SHOC2: variants seen among roughly 807,000 people sequenced by gnomAD.
SHOC2 encodes leucine-rich repeat protein SHOC-2.
SHOC2 carries 4 observed loss-of-function variants against 50.2 expected under a neutral mutation model. The ratio of observed to expected loss-of-function variants is 0.08; its 90% CI spans 0.04 to 0.18. SHOC2 has a LOEUF of 0.18. Ranked by LOEUF, SHOC2 falls within the 10% of genes least tolerant of loss-of-function variation. The pLI, the probability that SHOC2 is intolerant of heterozygous loss-of-function variation, is 1.00. For synonymous variants in SHOC2, 218 were observed against 244.5 expected, an observed-to-expected ratio of 0.89 and a Z score of 1.01; for missense variants, 388 against 669.6, an observed-to-expected ratio of 0.58 and a Z score of 4.64.
chr10:110,958,369 AC>A (rs1041796560), intron 1 of SHOC2, among the ~76,000 whole-genome samples: 1 of 152,030 alleles, frequency 6.6e-6, no homozygotes, highest in African/African-American at 2.4e-5. Flanking sequence ...GTGCACCACC[AC>A]GCCCAGCTAA....
At chr10:110,984,912 G>A (rs527746580) in intron 2 of SHOC2, among the ~76,000 whole-genome samples, 26 of 152,172 alleles carry the variant, frequency 1.7e-4, no homozygotes, top group African/African-American at 6.0e-4. Flanking sequence ...CAATCAACTT[G>A]AACACCTTCC....
chr10:110,996,248 G>A (rs1848265231), intron 3 of SHOC2, among the ~76,000 whole-genome samples: 1 of 152,164 alleles, frequency 6.6e-6, no homozygotes. Flanking sequence ...AATGTTTTTG[G>A]CCAGGTGCAG....
chr10:111,003,718 A>G (rs1405490935), intron 4 of SHOC2, among the ~76,000 whole-genome samples: 1 of 152,146 alleles, frequency 6.6e-6, no homozygotes, highest in African/African-American at 2.4e-5. Context: ...GCATATTATG[A>G]TTCAGTGGGA....
At chr10:110,937,464 T>G (rs529746017) in intron 1 of SHOC2, among the ~76,000 whole-genome samples, 12 of 152,364 alleles carry the variant, frequency 7.9e-5, no homozygotes, top group Admixed American at 2.6e-4. Flanking sequence ...CTCTTTGCCT[T>G]CACTGTATTT....
intron 3 of SHOC2, among the ~76,000 whole-genome samples, chr10:110,998,464 T>G (rs960526447): frequency 2.6e-5 from 4 of 152,210 alleles, no homozygotes; most frequent in Admixed American, 2.0e-4. Context: ...TGAAGCATCC[T>G]TAGTTAATTT....
intron 8 of SHOC2, 61 bp from the exon 9 acceptor site, chr10:111,011,549 C>T: frequency 8.9e-7 from 1 of 1,118,542 alleles, no homozygotes; most frequent in Admixed American, 1.7e-5. Flanking sequence ...GCATCATGCC[C>T]AGTTGAACTT....
At chr10:110,958,238 C>T (rs1481799051) in intron 1 of SHOC2, among the ~76,000 whole-genome samples, 6 of 145,698 alleles carry the variant, frequency 4.1e-5, no homozygotes, top group East Asian at 2.0e-4. Context: ...TTTTTTAAGA[C>T]GGAGTCTTGC....
chr10:110,919,796 G>A, intron 1 of SHOC2, 139 bp downstream of exon 1: 1 of 392,432 alleles, frequency 2.5e-6, no homozygotes, highest in South Asian at 1.3e-4. Context: ...GCAGCGCCGG[G>A]GCGAGGCCCG....
intron 3 of SHOC2, among the ~76,000 whole-genome samples, chr10:110,987,456 C>CT (rs1848100702): frequency 6.6e-6 from 1 of 152,134 alleles, no homozygotes; most frequent in Admixed American, 6.5e-5. Flanking sequence ...GCCCATGACA[C>CT]TATCGTATTA....
chr10:110,988,800 CAGTT>C, intron 3 of SHOC2: 3 of 395,000 alleles, frequency 7.6e-6, no homozygotes, highest in Non-Finnish European at 1.5e-5. Context: ...CTCATAAAGA[CAGTT>C]AGCACTGTAA....
At chr10:110,995,277 G>A (rs577742687) in intron 3 of SHOC2, among the ~76,000 whole-genome samples, 1 of 152,330 alleles carries the variant, frequency 6.6e-6, no homozygotes, top group South Asian at 2.1e-4. Flanking sequence ...CCATGAAACA[G>A]TTAACATAAG....
At chr10:110,999,578 A>C (rs183540397) in intron 3 of SHOC2, among the ~76,000 whole-genome samples, 1 of 152,006 alleles carries the variant, frequency 6.6e-6, no homozygotes, top group African/African-American at 2.4e-5. Context: ...CTGTACTAAA[A>C]ATACAAAAAT....
chr10:110,934,348 A>G (rs1265993006), intron 1 of SHOC2, among the ~76,000 whole-genome samples: 1 of 152,226 alleles, frequency 6.6e-6, no homozygotes, highest in Non-Finnish European at 1.5e-5. Context: ...AATAGGAATG[A>G]TTAAATTATG....
rs571887060 is a variant in SHOC2, at chr10:110,941,095, C to T, written c.-235+21438C>T. Among the ~76,000 whole-genome samples, 8 of 152,082 alleles carry T rather than the reference C, an allele frequency of 5.3e-5. No individual in the cohort carries two copies. The South Asian group carries it at 1.7e-3, about 32-fold the overall frequency. ...AACAGGTACATGCCACCATACCCAACTAATTTTTAAAATAGTTGGTATTTA... is the reference window on the plus strand; with the variant it reads ...AACAGGTACATGCCACCATACCCAATTAATTTTTAAAATAGTTGGTATTTA... On this transcript the variant is annotated intron_variant, in intron 1 of 8. Transcript: ENST00000369452.
At position 110,964,209 on chromosome 10, in the gene SHOC2, A is replaced by G; in HGVS notation, c.-150A>G. The stretch of plus-strand genomic sequence containing the variant: ...AAATGGGCATAGTGCTTTTAGATCC[A>G]ACATGTAACAGATGGATGTTACTCC... On this transcript the variant is annotated 5_prime_UTR_variant, in exon 2 of 9. Transcript: ENST00000369452. The surrounding 1 kb of genome is among the most constrained non-coding windows in gnomAD (Gnocchi z 4.9). 1.6e-6 allele frequency: 2 copies of G among 1,227,548 alleles called. No homozygotes were observed. The highest frequency in any genetic ancestry group is 2.2e-6 in the Non-Finnish European group (2 of 896,696). 76.0% of individuals were successfully genotyped at this position (1,227,548 alleles called of 1,614,324 possible).
chr10:110,925,673 TCTCAAACTCCTGAG>T (rs1480409925), intron 1 of SHOC2, among the ~76,000 whole-genome samples: 6 of 152,170 alleles, frequency 3.9e-5, no homozygotes, highest in African/African-American at 1.4e-4. Flanking sequence ...CCCAGGCTGG[TCTCAAACTCCTGAG>T]CTCAAACAAT....
intron 2 of SHOC2, among the ~76,000 whole-genome samples, chr10:110,981,479 G>T (rs1001566393): frequency 3.3e-5 from 5 of 152,204 alleles, no homozygotes; most frequent in Non-Finnish European, 1.5e-5. Flanking sequence ...TGTAAGAAAA[G>T]TTGATAATCT....
intron 1 of SHOC2, among the ~76,000 whole-genome samples, chr10:110,942,935 A>C (rs1431728301): frequency 6.6e-6 from 1 of 152,186 alleles, no homozygotes; most frequent in Non-Finnish European, 1.5e-5. Flanking sequence ...GTTAATACTT[A>C]GTATCTCTTG....
At chr10:110,940,842 C>G (rs1195312407) in intron 1 of SHOC2, among the ~76,000 whole-genome samples, 1 of 149,996 alleles carries the variant, frequency 6.7e-6, no homozygotes, top group East Asian at 2.0e-4. Flanking sequence ...TTCACACACT[C>G]TTTCTATAGA....
Sources: gnomAD v4.1 joint callset for allele counts (sites outside exome capture counted in the v4.1 genomes callset) on GRCh38, gnomAD v4.1.1 for gene constraint, Gnocchi (gnomAD v3.1) non-coding constraint, MANE v1.5 for transcripts, NCBI Gene and HGNC (gene_info 2026-07-23, HGNC 2026-07-21) for gene names.